Variants in PIGK observed in about 807,000 individuals in gnomAD.
The protein encoded by PIGK is phosphatidylinositol glycan anchor biosynthesis class K, also known as GPI-anchor transamidase.
In PIGK, 42 loss-of-function variants were observed where a neutral mutation model predicts 50.6. The observed-to-expected ratio is 0.83, with a 90% confidence interval of 0.65 to 1.07. PIGK has a LOEUF of 1.07. Among genes scored for constraint, PIGK ranks in the 50% least tolerant of loss-of-function variants. The pLI is 0.00. For missense variants in PIGK, 448 were observed against 488.7 expected (o/e 0.92, Z 0.78); for synonymous variants, 151 against 156.0 (o/e 0.97, Z 0.24).
intron 3 of PIGK, among the ~76,000 whole-genome samples, chr1:77,195,947 T>C (rs1656024804): frequency 6.6e-6 from 1 of 152,152 alleles, no homozygotes; most frequent in African/African-American, 2.4e-5. Flanking sequence ...CTAAGCATAG[T>C]ATTCAATAGG....
intron 2 of PIGK, among the ~76,000 whole-genome samples, chr1:77,209,313 G>A (rs530750162): frequency 6.6e-6 from 1 of 151,692 alleles, no homozygotes; most frequent in African/African-American, 2.4e-5. Context: ...TCTGTTTGAG[G>A]AATTAAAACT....
chr1:77,152,748 A>G (rs1237735802), intron 9 of PIGK, among the ~76,000 whole-genome samples: 1 of 152,138 alleles, frequency 6.6e-6, no homozygotes, highest in South Asian at 2.1e-4. Flanking sequence ...ATTTCACAGA[A>G]GAAGACAACA....
In PIGK at chr1:77,161,656, G is replaced by T; in HGVS notation, c.640C>A (p.Arg214=). The T allele has an allele frequency of 6.3e-7, 1 of 1,590,776 alleles. No homozygotes were observed. The highest frequency in any genetic ancestry group is 8.6e-7 in the Non-Finnish European group (1 of 1,158,906). The change falls in exon 7 of 11, where the codon CGA becomes AGA. Residue 214 remains arginine (R), a synonymous_variant. Transcript: ENST00000370812. ...DTCQGASMYE[R]FYSPNIMALA... is the part of the protein sequence containing the mutation. ...GCCATTATGTTAGGAGAATAAAATC[G>T]TTCATACATGGATGCTCCTTGGCAA...
intron 8 of PIGK, among the ~76,000 whole-genome samples, chr1:77,159,636 T>G (rs970407136): frequency 6.6e-6 from 1 of 152,246 alleles, no homozygotes; most frequent in Non-Finnish European, 1.5e-5. Context: ...GACCTGGATG[T>G]GAGACATGGA....
At chr1:77,105,950 T>C (rs1412235806) in intron 10 of PIGK, among the ~76,000 whole-genome samples, 1 of 152,194 alleles carries the variant, frequency 6.6e-6, no homozygotes, top group African/African-American at 2.4e-5. Flanking sequence ...CGGAAAGACA[T>C]CTTTAAAGTG....
At chr1:77,193,431 T>C (rs547678774) in intron 3 of PIGK, among the ~76,000 whole-genome samples, 6 of 152,170 alleles carry the variant, frequency 3.9e-5, no homozygotes, top group Admixed American at 3.9e-4. Context: ...AATACAGTTT[T>C]CAGGGTGTCT....
chr1:77,131,664 A>G (rs1478163240), intron 9 of PIGK, among the ~76,000 whole-genome samples: 44 of 152,160 alleles, frequency 2.9e-4, no homozygotes, highest in Admixed American at 2.9e-3. Context: ...AAATAATTAC[A>G]AAATATTTCT....
chr1:77,123,788 G>A (rs561332042), intron 9 of PIGK, among the ~76,000 whole-genome samples: 7 of 152,100 alleles, frequency 4.6e-5, no homozygotes, highest in East Asian at 1.9e-4. Flanking sequence ...AAAATGATAC[G>A]TTTTATGTTA....
chr1:77,206,006 A>G (rs1168746796), intron 3 of PIGK, among the ~76,000 whole-genome samples: 2 of 152,144 alleles, frequency 1.3e-5, no homozygotes, highest in African/African-American at 4.8e-5. Flanking sequence ...GACTTTACCA[A>G]TATAACATTC....
At chr1:77,132,776 T>C (rs571657646) in intron 9 of PIGK, among the ~76,000 whole-genome samples, 2 of 152,226 alleles carry the variant, frequency 1.3e-5, no homozygotes, top group African/African-American at 4.8e-5. Flanking sequence ...CATTTTGATT[T>C]CATCTTCACT....
chr1:77,139,726 C>A (rs1654604729), intron 9 of PIGK, among the ~76,000 whole-genome samples: 1 of 152,172 alleles, frequency 6.6e-6, no homozygotes, highest in South Asian at 2.1e-4. Context: ...CACTTACTTT[C>A]TTGGCAGCTC....
At chr1:77,166,042 T>C (rs966861126) in intron 5 of PIGK, among the ~76,000 whole-genome samples, 1 of 152,154 alleles carries the variant, frequency 6.6e-6, no homozygotes, top group Non-Finnish European at 1.5e-5. Context: ...AAACAAATGT[T>C]TGAAGGACAG....
chr1:77,200,467 G>A (rs1276349238), intron 3 of PIGK, among the ~76,000 whole-genome samples: 2 of 151,822 alleles, frequency 1.3e-5, no homozygotes, highest in African/African-American at 4.8e-5. Context: ...AATTTAATAA[G>A]GTATTTAATG....
chr1:77,107,677 T>A (rs1329018999), intron 10 of PIGK, among the ~76,000 whole-genome samples: 2 of 152,196 alleles, frequency 1.3e-5, no homozygotes, highest in African/African-American at 4.8e-5. Context: ...CTGTCTAATG[T>A]TGACAGTGGG....
intron 3 of PIGK, among the ~76,000 whole-genome samples, chr1:77,199,427 T>C (rs1250459058): frequency 6.6e-6 from 1 of 151,986 alleles, no homozygotes; most frequent in East Asian, 1.9e-4. Flanking sequence ...GAGAAGAACA[T>C]TCAAAGGCAT....
chr1:77,189,726 TATATATATATATATATATATATA>T (rs1449776993), intron 3 of PIGK, among the ~76,000 whole-genome samples: 1 of 64,286 alleles, frequency 1.6e-5, no homozygotes, highest in Non-Finnish European at 3.0e-5. Flanking sequence ...TATATATATA[TATATATATATATATATATATATA>T]CACACACACA....
intron 3 of PIGK, among the ~76,000 whole-genome samples, chr1:77,193,155 A>T (rs996635628): frequency 9.2e-5 from 14 of 152,270 alleles, no homozygotes; most frequent in Admixed American, 9.2e-4. Flanking sequence ...ACAAATGTTA[A>T]TTTATCCTTT....
At chr1:77,162,156 T>G (rs984999156) in intron 6 of PIGK, among the ~76,000 whole-genome samples, 4 of 152,142 alleles carry the variant, frequency 2.6e-5, no homozygotes, top group African/African-American at 9.7e-5. Context: ...AAATATATAT[T>G]GAGTGCCTAC....
Position 77,122,359 on chromosome 1 carries a change from G to A in PIGK, c.987C>T (p.Ser329=), listed in dbSNP as rs752858270. 6.4e-7 allele frequency: 1 copy of A among 1,568,888 alleles called. No homozygotes were observed. Among genetic ancestry groups the A allele is most frequent in the Admixed American group, 1.7e-5 (1 of 59,690 alleles). ...LQQDSEIMES[S]YKEDQMDEKL... ...TCTCATCCATCTGGTCTTCCTTATA[G>A]CTGGAAAAGATAATTTAAAAACACA... Residue 329 remains serine (S), a splice_region_variant and synonymous_variant, in exon 10 of 11, where the codon AGC becomes AGT. Transcript: ENST00000370812.
Sources: gnomAD v4.1 joint callset for allele counts (sites outside exome capture counted in the v4.1 genomes callset) on GRCh38, gnomAD v4.1.1 for gene constraint, MANE v1.5 for transcripts, NCBI Gene and HGNC (gene_info 2026-07-23, HGNC 2026-07-21) for gene names.